Variants in TMEM170A observed in about 807,000 individuals in gnomAD.
The protein encoded by TMEM170A is transmembrane protein 170.
TMEM170A carries 18 observed loss-of-function variants against 12.8 expected under a neutral mutation model. The observed-to-expected ratio is 1.41, with a 90% confidence interval of 0.97 to 2.09. The LOEUF (loss-of-function observed/expected upper bound fraction) is 2.09, where lower values mean the gene tolerates loss of function less well. TMEM170A is among the 30% of genes most tolerant of loss of function. TMEM170A has a pLI of 0.00. For missense variants in TMEM170A, 220 were observed against 179.9 expected (o/e 1.22, Z -1.28); for synonymous variants, 107 against 76.2 (o/e 1.40, Z -2.11).
chr16:75,464,070 G>C (rs1249951729), intron 1 of TMEM170A, among the ~76,000 whole-genome samples: 1 of 152,204 alleles, frequency 6.6e-6, no homozygotes, highest in African/African-American at 2.4e-5. Context: ...GGGCCGCTCC[G>C]AGACCCCTCG....
Position 75,451,667 on chromosome 16 carries a change from AC to A in TMEM170A, c.304+1del, listed in dbSNP as rs749349392. ...TGACTGGTATTTTAATGTCTAACATACTTGTCAAGATTCCAGCAGTAATTGG... is the reference window on the plus strand; with the variant it reads ...TGACTGGTATTTTAATGTCTAACATATTGTCAAGATTCCAGCAGTAATTGG... On this transcript the variant is annotated splice_donor_variant, in intron 2 of 2. Coordinates refer to ENST00000561878, the MANE Select transcript of TMEM170A (RefSeq NM_145254.3). LOFTEE classifies it high-confidence loss of function. The A allele has an allele frequency of 4.3e-4, 693 of 1,614,208 alleles. 2 individuals carry two copies. The highest frequency in any genetic ancestry group is 2.3e-3 in the Middle Eastern group (14 of 6,062).
At chr16:75,453,224 A>G (rs1360610929) in intron 1 of TMEM170A, among the ~76,000 whole-genome samples, 1 of 152,232 alleles carries the variant, frequency 6.6e-6, no homozygotes. Context: ...GCTTGAGCCC[A>G]GGAGTTTGAG....
intron 1 of TMEM170A, 111 bp downstream of exon 1, chr16:75,464,357 C>T: frequency 7.2e-7 from 1 of 1,382,130 alleles, no homozygotes; most frequent in South Asian, 1.7e-5. Context: ...AGGACAGCGC[C>T]CACGCCGCCA....
In TMEM170A at chr16:75,447,396, G is replaced by C; in HGVS notation, c.*162C>G. 1 of 706,414 alleles carries C rather than the reference G, an allele frequency of 1.4e-6. No homozygotes were observed. The highest frequency in any genetic ancestry group is 2.1e-6 in the Non-Finnish European group (1 of 486,080). The allele number at this position is 706,414 out of a possible 1,614,324, so 43.8% of individuals were successfully genotyped here. A position where few individuals can be genotyped will look rare whatever the true frequency, so the allele number is the denominator to read the frequency against. On this transcript the variant is annotated 3_prime_UTR_variant, in exon 3 of 3. Transcript: ENST00000561878. ...AGTCCACATAAGTCTTCAATTCTAG[G>C]AGCTTCAAAATGAAGAAAAGGCTGA...
In TMEM170A at chr16:75,447,573, A is replaced by G. The variant is rs1344651770; in HGVS notation, c.420T>C (p.Ile140=). ...AGGATGTATGCTATAGAGTAGCTAA[A>G]ATCCGTAAAAAGGAGACCACCAAGA... ...FCVLVVSFLR[I]LATL Residue 140 remains isoleucine (I), a synonymous_variant, in exon 3 of 3, where the codon ATT becomes ATC. Transcript: ENST00000561878. The G allele has an allele frequency of 1.2e-6, 2 of 1,612,988 alleles. No individual in the cohort carries two copies. The highest frequency in any genetic ancestry group is 4.5e-5 in the East Asian group (2 of 44,856).
chr16:75,445,668 T>A lies in TMEM170A; in HGVS notation c.*1890A>T, dbSNP rs1193426752. 1 of 151,756 alleles carries A rather than the reference T, an allele frequency of 6.6e-6. No individual in the cohort carries two copies. Among genetic ancestry groups the A allele is most frequent in the Non-Finnish European group, 1.5e-5 (1 of 67,966 alleles). The allele number at this position is 151,756 out of a possible 1,614,324, so 9.4% of individuals were successfully genotyped here. ...TCTTTGTAATTCTTTTCTATGAGTT[T>A]CCCTGGCAAATTGGTCCTCCTGACT... On this transcript the variant is annotated 3_prime_UTR_variant, in exon 3 of 3. Coordinates refer to ENST00000561878, the MANE Select transcript of TMEM170A (RefSeq NM_145254.3).
At chr16:75,463,494 C>A (rs1212787711) in intron 1 of TMEM170A, among the ~76,000 whole-genome samples, 1 of 152,166 alleles carries the variant, frequency 6.6e-6, no homozygotes, top group African/African-American at 2.4e-5. Flanking sequence ...CGCTGAACGG[C>A]GCCTGGCAGT....
intron 1 of TMEM170A, among the ~76,000 whole-genome samples, chr16:75,456,187 G>C (rs1223489539): frequency 1.3e-5 from 2 of 151,814 alleles, no homozygotes; most frequent in East Asian, 3.9e-4. Context: ...CTTCAATTCA[G>C]AGCATATTCT....
chr16:75,461,178 C>A (rs111235450), intron 1 of TMEM170A, among the ~76,000 whole-genome samples: 96 of 151,864 alleles, frequency 6.3e-4, no homozygotes, highest in Non-Finnish European at 1.1e-3. Context: ...CTCAGCCTCC[C>A]GAGTAGCTGG....
intron 1 of TMEM170A, 30 bp from the exon 2 acceptor site, chr16:75,451,869 A>G: frequency 6.3e-7 from 1 of 1,577,286 alleles, no homozygotes; most frequent in Non-Finnish European, 8.6e-7. Context: ...AAAGTTGTGA[A>G]TCACTGCCCT....
chr16:75,449,113 T>C (rs2079635458), intron 2 of TMEM170A, among the ~76,000 whole-genome samples: 2 of 151,762 alleles, frequency 1.3e-5, no homozygotes, highest in African/African-American at 2.4e-5. Flanking sequence ...AAAGAATAGA[T>C]CCAGATTTCC....
chr16:75,444,257 C>T lies in TMEM170A; in HGVS notation c.*3301G>A, dbSNP rs1295183560. ...GTGGAGGCGGGTCAGGAGATTGAGACCATCCTGGCTAACACGGTGAAACCC... is the reference window on the plus strand; with the variant it reads ...GTGGAGGCGGGTCAGGAGATTGAGATCATCCTGGCTAACACGGTGAAACCC... On this transcript the variant is annotated 3_prime_UTR_variant, in exon 3 of 3. Transcript: ENST00000561878. The T allele has an allele frequency of 6.6e-6, 1 of 151,886 alleles. No homozygotes were observed. Among genetic ancestry groups the T allele is most frequent in the Non-Finnish European group, 1.5e-5 (1 of 68,086 alleles). The allele number at this position is 151,886 out of a possible 1,614,324, so 9.4% of individuals were successfully genotyped here.
At chr16:75,453,594 A>G (rs1431538450) in intron 1 of TMEM170A, among the ~76,000 whole-genome samples, 24 of 152,244 alleles carry the variant, frequency 1.6e-4, no homozygotes. Flanking sequence ...ATACAATTAT[A>G]TTCATTCCAC....
chr16:75,456,803 C>T (rs1321727768), intron 1 of TMEM170A, among the ~76,000 whole-genome samples: 1 of 152,142 alleles, frequency 6.6e-6, no homozygotes, highest in East Asian at 1.9e-4. Flanking sequence ...CTACTGTGGC[C>T]CCTGGATCAG....
At chr16:75,456,210 T>G (rs572760888) in intron 1 of TMEM170A, among the ~76,000 whole-genome samples, 1 of 151,972 alleles carries the variant, frequency 6.6e-6, no homozygotes, top group East Asian at 1.9e-4. Context: ...ACACTTCCAG[T>G]GAGAGTGCTC....
intron 1 of TMEM170A, among the ~76,000 whole-genome samples, chr16:75,457,593 G>A (rs1357006495): frequency 6.6e-6 from 1 of 152,208 alleles, no homozygotes; most frequent in Non-Finnish European, 1.5e-5. Flanking sequence ...AAGACAGCTA[G>A]TCTGTGGTAT....
rs559986107 is a variant in TMEM170A, at chr16:75,444,690, G to C, written c.*2868C>G. ...CCCTGAAAACATTTCAAGCTACACCGCTCAAGCTATTTAAAATCTATATAT... is the reference window on the plus strand; with the variant it reads ...CCCTGAAAACATTTCAAGCTACACCCCTCAAGCTATTTAAAATCTATATAT... On this transcript the variant is annotated 3_prime_UTR_variant, in exon 3 of 3. Coordinates refer to ENST00000561878, the MANE Select transcript of TMEM170A (RefSeq NM_145254.3). 2 of 151,188 alleles carry C rather than the reference G, an allele frequency of 1.3e-5. No individual in the cohort carries two copies. The highest frequency in any genetic ancestry group is 2.4e-5 in the African/African-American group (1 of 40,990). 9.4% of individuals were successfully genotyped at this position (151,188 alleles called of 1,614,324 possible).
At chr16:75,460,534 G>A (rs904124523) in intron 1 of TMEM170A, among the ~76,000 whole-genome samples, 2 of 152,096 alleles carry the variant, frequency 1.3e-5, no homozygotes, top group African/African-American at 4.8e-5. Flanking sequence ...AGTAGCTGTT[G>A]GCTCATTACT....
intron 1 of TMEM170A, among the ~76,000 whole-genome samples, chr16:75,453,643 A>G (rs1339086664): frequency 1.3e-5 from 2 of 152,164 alleles, no homozygotes; most frequent in African/African-American, 4.8e-5. Flanking sequence ...TCAAGCCATC[A>G]CCTCCTATTA....
Sources: allele counts gnomAD v4.1 joint callset (sites outside exome capture counted in the v4.1 genomes callset), GRCh38; gene constraint gnomAD v4.1.1; transcripts MANE v1.5; gene names NCBI Gene and HGNC (gene_info 2026-07-23, HGNC 2026-07-21).